Variants in TPD52L1 observed in about 807,000 individuals in gnomAD.
TPD52L1 encodes the protein tumor protein D53.
A neutral mutation model predicts 28.7 loss-of-function variants in TPD52L1; 18 were observed. The observed-to-expected ratio is 0.63, with a 90% confidence interval of 0.43 to 0.93. The LOEUF (loss-of-function observed/expected upper bound fraction) is 0.93, where lower values mean the gene tolerates loss of function less well. TPD52L1 is among the 40% of genes least tolerant of loss of function. The pLI, the probability that TPD52L1 is intolerant of heterozygous loss-of-function variation, is 0.00. For missense variants in TPD52L1, 203 were observed against 254.8 expected (o/e 0.80, Z 1.39); for synonymous variants, 75 against 88.8 (o/e 0.84, Z 0.88).
chr6:125,218,769 G>A (rs1406375236), intron 1 of TPD52L1, among the ~76,000 whole-genome samples: 1 of 152,074 alleles, frequency 6.6e-6, no homozygotes, highest in East Asian at 1.9e-4. Context: ...AACTGTTCTA[G>A]GACAATCTAT....
At chr6:125,253,525 A>C in intron 4 of TPD52L1, 192 bp from the exon 5 acceptor site, 1 of 577,136 alleles carries the variant, frequency 1.7e-6, no homozygotes, top group Non-Finnish European at 3.1e-6. Flanking sequence ...TCTACTTTTC[A>C]TTTATACCCT....
intron 1 of TPD52L1, among the ~76,000 whole-genome samples, chr6:125,212,279 A>ATGCTT (rs1794572977): frequency 6.6e-6 from 1 of 152,156 alleles, no homozygotes; most frequent in African/African-American, 2.4e-5. Context: ...TTGAAAGTGT[A>ATGCTT]TGCTTTCCTC....
intron 3 of TPD52L1, among the ~76,000 whole-genome samples, chr6:125,230,072 G>A (rs1386493922): frequency 6.6e-6 from 1 of 151,942 alleles, no homozygotes; most frequent in Non-Finnish European, 1.5e-5. Flanking sequence ...GGCGACAGAG[G>A]GAGACTCTGT....
intron 4 of TPD52L1, among the ~76,000 whole-genome samples, chr6:125,251,523 CTAAG>C (rs1470168721): frequency 1.3e-5 from 2 of 152,072 alleles, no homozygotes; most frequent in African/African-American, 4.8e-5. Context: ...TTTTTCTGAG[CTAAG>C]TAAGATTCTC....
intron 1 of TPD52L1, among the ~76,000 whole-genome samples, chr6:125,211,207 T>C (rs1794467893): frequency 6.6e-6 from 1 of 152,100 alleles, no homozygotes; most frequent in Admixed American, 6.6e-5. Flanking sequence ...GAAAGTTGTT[T>C]GAAAAAAATC....
At chr6:125,234,184 A>G (rs1796117087) in intron 3 of TPD52L1, among the ~76,000 whole-genome samples, 1 of 152,228 alleles carries the variant, frequency 6.6e-6, no homozygotes, top group Admixed American at 6.5e-5. Context: ...TGCTATTGCC[A>G]TTGCTGCCAA....
chr6:125,244,115 A>G (rs985270422), intron 3 of TPD52L1, among the ~76,000 whole-genome samples: 1 of 152,094 alleles, frequency 6.6e-6, no homozygotes, highest in Admixed American at 6.5e-5. Context: ...GCTTTCCCTT[A>G]TGCTGTTTGT....
intron 1 of TPD52L1, among the ~76,000 whole-genome samples, chr6:125,167,143 T>C (rs938089874): frequency 3.3e-5 from 5 of 152,052 alleles, no homozygotes; most frequent in Admixed American, 2.6e-4. Context: ...TGCATGCCTG[T>C]AGTCCCACTA....
intron 1 of TPD52L1, among the ~76,000 whole-genome samples, chr6:125,219,282 T>A (rs1795072745): frequency 6.6e-6 from 1 of 152,148 alleles, no homozygotes; most frequent in African/African-American, 2.4e-5. Flanking sequence ...AAATAAGAAG[T>A]CATTTATCTC....
rs373080985 is a variant in TPD52L1, at chr6:125,229,228, C to T, written c.246C>T (p.Asn82=). ...GMNLMNELKQ[N]FSKSWHDMQT... is the part of the protein sequence containing the mutation. ...ACCTGATGAATGAATTAAAACAGAA[C>T]TTCAGCAAAAGCTGGCATGACATGC... Residue 82 remains asparagine (N), a synonymous_variant, in exon 3 of 7, where the codon AAC becomes AAT. Coordinates refer to ENST00000534000, the MANE Select transcript of TPD52L1 (RefSeq NM_003287.4). 12 of 1,613,312 alleles carry T rather than the reference C, an allele frequency of 7.4e-6. No individual in the cohort carries two copies. The African/African-American group carries it at 1.3e-4, about 18-fold the overall frequency.
At chr6:125,161,434 A>C (rs1297632080) in intron 1 of TPD52L1, among the ~76,000 whole-genome samples, 1 of 152,168 alleles carries the variant, frequency 6.6e-6, no homozygotes, top group African/African-American at 2.4e-5. Context: ...TCACATTCAC[A>C]ACTTGAATCA....
intron 1 of TPD52L1, among the ~76,000 whole-genome samples, chr6:125,172,548 A>ATATATATATG (rs1791540282): frequency 9.9e-6 from 1 of 100,766 alleles, no homozygotes; most frequent in South Asian, 3.1e-4. Flanking sequence ...ATATATATAT[A>ATATATATATG]TATAATATAT....
chr6:125,207,573 C>A (rs1299043321), intron 1 of TPD52L1, among the ~76,000 whole-genome samples: 1 of 152,194 alleles, frequency 6.6e-6, no homozygotes, highest in South Asian at 2.1e-4. Context: ...GAGCAGAAGT[C>A]AGTTTTGCTT....
At chr6:125,173,577 C>T (rs1398501466) in intron 1 of TPD52L1, among the ~76,000 whole-genome samples, 12 of 152,138 alleles carry the variant, frequency 7.9e-5, no homozygotes, top group Admixed American at 5.2e-4. Context: ...TTGGATTAGT[C>T]GCCCTTGGAG....
At chr6:125,195,888 T>C (rs1793400615) in intron 1 of TPD52L1, among the ~76,000 whole-genome samples, 1 of 152,194 alleles carries the variant, frequency 6.6e-6, no homozygotes, top group African/African-American at 2.4e-5. Context: ...GCCAGGCCAG[T>C]TGTTGCCCAC....
chr6:125,209,423 G>A (rs1794361427), intron 1 of TPD52L1, among the ~76,000 whole-genome samples: 2 of 152,210 alleles, frequency 1.3e-5, no homozygotes, highest in South Asian at 4.1e-4. Context: ...TTCCTGATTG[G>A]TCTCTCCAGG....
intron 4 of TPD52L1, among the ~76,000 whole-genome samples, chr6:125,250,972 A>G (rs1418545412): frequency 6.6e-6 from 1 of 152,206 alleles, no homozygotes; most frequent in African/African-American, 2.4e-5. Flanking sequence ...TTATGTGTAT[A>G]TTTCTCTCAA....
At position 125,202,766 on chromosome 6, in the gene TPD52L1, C is replaced by CTTTTTTTTTTTTTT. The variant is rs55761249; in HGVS notation, c.20-17309_20-17296dup. Among the ~76,000 whole-genome samples, 2 of 116,450 alleles carry CTTTTTTTTTTTTTT rather than the reference C, an allele frequency of 1.7e-5. 1 individual carries two copies. Among genetic ancestry groups the CTTTTTTTTTTTTTT allele is most frequent in the African/African-American group, 7.2e-5 (2 of 27,668 alleles). 76.4% of individuals were successfully genotyped at this position (116,450 alleles called of 152,430 possible). ...CTGAGTGTTACATTTGGAGGTTTAT[C>CTTTTTTTTTTTTTT]TTTTTTTTTTTTTTTTGAGACGGAG... On this transcript the variant is annotated intron_variant, in intron 1 of 6. Coordinates refer to ENST00000534000, the MANE Select transcript of TPD52L1 (RefSeq NM_003287.4).
At chr6:125,185,339 C>G (rs551097070) in intron 1 of TPD52L1, among the ~76,000 whole-genome samples, 1 of 152,150 alleles carries the variant, frequency 6.6e-6, no homozygotes. Context: ...CATGTCCTTT[C>G]TCTAGCTTTC....
Sources: allele counts gnomAD v4.1 joint callset (sites outside exome capture counted in the v4.1 genomes callset), GRCh38; gene constraint gnomAD v4.1.1; transcripts MANE v1.5; gene names NCBI Gene and HGNC (gene_info 2026-07-23, HGNC 2026-07-21).